STK39: variants seen among roughly 807,000 people sequenced by gnomAD.
STK39 encodes serine/threonine kinase 39.
STK39 carries 20 observed loss-of-function variants against 77.8 expected under a neutral mutation model. That is an observed-to-expected ratio of 0.26 (90% CI 0.18 to 0.37). The LOEUF is 0.37. Among genes scored for constraint, STK39 ranks in the 10% least tolerant of loss-of-function variants. STK39 has a pLI of 1.00. For missense variants in STK39, 479 were observed against 656.5 expected (o/e 0.73, Z 2.95); for synonymous variants, 246 against 234.1 (o/e 1.05, Z -0.47).
intron 14 of STK39, among the ~76,000 whole-genome samples, chr2:168,027,708 C>T (rs574903658): frequency 1.8e-4 from 28 of 152,340 alleles, no homozygotes; most frequent in Admixed American, 8.5e-4. Flanking sequence ...TGGCCTCACA[C>T]ACTGGTTAAC....
chr2:168,119,408 T>C (rs1014856617), intron 10 of STK39, among the ~76,000 whole-genome samples: 12 of 152,192 alleles, frequency 7.9e-5, no homozygotes, highest in Admixed American at 1.3e-4. Context: ...ATCTTCAAAA[T>C]TGAGATGTTT....
chr2:168,194,377 G>A (rs1028104125), intron 1 of STK39, among the ~76,000 whole-genome samples: 9 of 152,172 alleles, frequency 5.9e-5, no homozygotes, highest in Admixed American at 3.9e-4. Context: ...CCAAGATCAC[G>A]CCACTGCACT....
intron 5 of STK39, among the ~76,000 whole-genome samples, chr2:168,155,466 G>C (rs2105568997): frequency 6.6e-6 from 1 of 152,226 alleles, no homozygotes; most frequent in Non-Finnish European, 1.5e-5. Flanking sequence ...TCATGTATGA[G>C]AATTTTGTCG....
intron 1 of STK39, among the ~76,000 whole-genome samples, chr2:168,236,076 GTAAAAGTGTTCC>G (rs1289775219): frequency 2.6e-5 from 4 of 151,792 alleles, no homozygotes; most frequent in Admixed American, 2.0e-4. Context: ...CACCAACAGT[GTAAAAGTGTTCC>G]TATTTCTCCA....
intron 10 of STK39, among the ~76,000 whole-genome samples, chr2:168,082,019 A>G (rs1452291718): frequency 1.3e-5 from 2 of 152,102 alleles, no homozygotes; most frequent in Non-Finnish European, 2.9e-5. Context: ...AGCAGCGCAA[A>G]AACATACTAA....
intron 16 of STK39, among the ~76,000 whole-genome samples, chr2:167,984,889 T>C (rs1446602480): frequency 1.3e-5 from 2 of 152,214 alleles, no homozygotes; most frequent in East Asian, 1.9e-4. Context: ...AAAAGCTTTA[T>C]GCACATACAG....
intron 1 of STK39, among the ~76,000 whole-genome samples, chr2:168,193,802 T>C (rs1197184603): frequency 6.6e-6 from 1 of 152,244 alleles, no homozygotes; most frequent in African/African-American, 2.4e-5. Flanking sequence ...GGGTGAGTTC[T>C]ACATTTCTCA....
intron 14 of STK39, among the ~76,000 whole-genome samples, chr2:168,049,577 G>A (rs2105364478): frequency 6.6e-6 from 1 of 152,300 alleles, no homozygotes; most frequent in Non-Finnish European, 1.5e-5. Flanking sequence ...AATTAACTTT[G>A]GTGCTTTGGT....
chr2:168,039,181 T>C (rs1685037544), intron 14 of STK39, among the ~76,000 whole-genome samples: 1 of 152,178 alleles, frequency 6.6e-6, no homozygotes, highest in African/African-American at 2.4e-5. Flanking sequence ...ATATCCATAT[T>C]CCTCTTTAAT....
intron 1 of STK39, among the ~76,000 whole-genome samples, chr2:168,220,296 T>C (rs1262787445): frequency 1.3e-5 from 2 of 151,978 alleles, no homozygotes; most frequent in African/African-American, 4.8e-5. Flanking sequence ...GCAACACACA[T>C]GTACTGAATA....
intron 16 of STK39, among the ~76,000 whole-genome samples, chr2:167,995,910 A>G (rs965270033): frequency 6.6e-6 from 1 of 152,194 alleles, no homozygotes; most frequent in Non-Finnish European, 1.5e-5. Context: ...CATGTCCTGC[A>G]GCCCATGCAG....
At chr2:168,076,193 C>T (rs1463305657) in intron 10 of STK39, among the ~76,000 whole-genome samples, 7 of 152,194 alleles carry the variant, frequency 4.6e-5, no homozygotes, top group African/African-American at 1.7e-4. Context: ...TCTAGTCCAA[C>T]CTCTTCATTT....
intron 8 of STK39, 107 bp downstream of exon 8, chr2:168,137,981 A>G (rs1184613916): frequency 7.0e-7 from 1 of 1,437,934 alleles, no homozygotes; most frequent in Non-Finnish European, 9.3e-7. Context: ...GGTTTCCCAG[A>G]CAAGAAATAC....
At chr2:168,191,683 G>A (rs571534640) in intron 1 of STK39, among the ~76,000 whole-genome samples, 7 of 152,242 alleles carry the variant, frequency 4.6e-5, no homozygotes, top group East Asian at 3.9e-4. Flanking sequence ...TCCCTCCTGC[G>A]TATCAGCTTC....
At position 168,140,480 on chromosome 2, in the gene STK39, T is replaced by G. The variant is rs578179133; in HGVS notation, c.739-90A>C. On this transcript the variant is annotated intron_variant, in intron 6 of 17. Transcript: ENST00000355999. ...TGTCATGTCAGAAATCCACAGCTGT[T>G]GATGTATAACTTTCACGTTAGTTTG... is the stretch of plus-strand genomic sequence containing the variant. 3 of 1,276,930 alleles carry G rather than the reference T, an allele frequency of 2.3e-6. No individual in the cohort carries two copies. In the African/African-American group the frequency reaches 4.4e-5, roughly 19 times the overall value. 79.1% of individuals were successfully genotyped at this position (1,276,930 alleles called of 1,614,324 possible). A position where few individuals can be genotyped will look rare whatever the true frequency, so the allele number is the denominator to read the frequency against.
intron 1 of STK39, among the ~76,000 whole-genome samples, chr2:168,184,711 A>G (rs1329928945): frequency 1.3e-5 from 2 of 152,148 alleles, no homozygotes; most frequent in East Asian, 1.9e-4. Flanking sequence ...CACAAAATCA[A>G]CTAACTGGGT....
intron 2 of STK39, 53 bp downstream of exon 2, chr2:168,181,925 T>C (rs1166356836): frequency 6.7e-6 from 10 of 1,481,998 alleles, no homozygotes; most frequent in South Asian, 1.1e-5. Context: ...CATCCCCATA[T>C]ACCCATAGAT....
chr2:168,132,143 C>A (rs1028408266), intron 8 of STK39, among the ~76,000 whole-genome samples: 1 of 152,084 alleles, frequency 6.6e-6, no homozygotes, highest in African/African-American at 2.4e-5. Context: ...TGTTTGGGAA[C>A]CTCACAACAT....
intron 14 of STK39, among the ~76,000 whole-genome samples, chr2:168,041,642 A>C (rs954137755): frequency 7.2e-5 from 11 of 152,182 alleles, no homozygotes; most frequent in Admixed American, 4.6e-4. Context: ...GTCAACATAC[A>C]GCAAATGGGT....
Sources: allele counts gnomAD v4.1 joint callset (sites outside exome capture counted in the v4.1 genomes callset), GRCh38; gene constraint gnomAD v4.1.1; transcripts MANE v1.5; gene names NCBI Gene and HGNC (gene_info 2026-07-23, HGNC 2026-07-21).